Variants in FOXRED2 observed in about 807,000 individuals in gnomAD.
FOXRED2 encodes FAD dependent oxidoreductase domain containing 2, also known as FAD-dependent oxidoreductase domain-containing protein 2.
A neutral mutation model predicts 52.5 loss-of-function variants in FOXRED2; 32 were observed. The observed-to-expected ratio is 0.61, with a 90% CI of 0.46 to 0.82. The LOEUF (loss-of-function observed/expected upper bound fraction) is 0.82. Among genes scored for constraint, FOXRED2 ranks in the 40% least tolerant of loss-of-function variants. The pLI, the probability that FOXRED2 is intolerant of heterozygous loss-of-function variation, is 0.00. For synonymous variants in FOXRED2, 405 were observed against 398.1 expected (o/e 1.02, Z -0.21); for missense variants, 848 against 937.5 (o/e 0.90, Z 1.25).
chr22:36,489,917 G>T lies in FOXRED2; in HGVS notation c.*91C>A. ...AGTGGTCTTTGGCAATCACGCATTG[G>T]CGGGAGTGTGAGGTTGCGGGGAAAG... On this transcript the variant is annotated 3_prime_UTR_variant, in exon 9 of 9. Coordinates refer to ENST00000397224, the MANE Select transcript of FOXRED2 (RefSeq NM_001102371.2). 1 of 1,317,740 alleles carries T rather than the reference G, an allele frequency of 7.6e-7. No individual in the cohort carries two copies. The highest frequency in any genetic ancestry group is 1.0e-6 in the Non-Finnish European group (1 of 975,398). The allele number at this position is 1,317,740 out of a possible 1,614,324, so 81.6% of individuals were successfully genotyped here.
Position 36,504,726 on chromosome 22 carries a change from C to T in FOXRED2, c.568G>A (p.Val190Ile), listed in dbSNP as rs1934149650. 2 of 1,614,152 alleles carry T rather than the reference C, an allele frequency of 1.2e-6. No homozygotes were observed. Among genetic ancestry groups the T allele is most frequent in the African/African-American group, 1.3e-5 (1 of 75,030 alleles). ...GCATATTCGGAGCCAGGGAAGTCAA[C>T]CTGGTTGGGGACTGATAAACCAGTG... is the stretch of plus-strand genomic sequence containing the variant. ...VATGLSVPNQ[V>I]DFPGSEYAEG... The change falls in exon 3 of 9, where the codon GTT (valine) becomes ATT (isoleucine). Residue 190 changes from valine to isoleucine, a missense_variant. Transcript: ENST00000397224.
Position 36,489,797 on chromosome 22 carries a change from C to A in FOXRED2, c.*211G>T. The A allele has an allele frequency of 2.1e-6, 1 of 484,738 alleles. No individual in the cohort carries two copies. The highest frequency in any genetic ancestry group is 3.4e-5 in the East Asian group (1 of 29,404). The allele number at this position is 484,738 out of a possible 1,614,324, so 30.0% of individuals were successfully genotyped here. ...CTCCCACCTGGCAGAGGATGCCCTT[C>A]TGCCCCCTGACAGGAGGGAGGAGAC... On this transcript the variant is annotated 3_prime_UTR_variant, in exon 9 of 9. Transcript: ENST00000397224.
chr22:36,495,478 C>T (rs756734763), intron 7 of FOXRED2, among the ~76,000 whole-genome samples: 3 of 152,190 alleles, frequency 2.0e-5, no homozygotes, highest in South Asian at 2.1e-4. Context: ...TCAGGTTTAA[C>T]CTCATGGAAC....
chr22:36,500,059 C>T (rs796278689), intron 5 of FOXRED2, among the ~76,000 whole-genome samples: 30 of 152,278 alleles, frequency 2.0e-4, no homozygotes, highest in African/African-American at 6.5e-4. Flanking sequence ...CCTCAGTCTA[C>T]CAAAGTGCTG....
At chr22:36,496,479 T>G (rs899491107) in intron 6 of FOXRED2, among the ~76,000 whole-genome samples, 1 of 151,688 alleles carries the variant, frequency 6.6e-6, no homozygotes, top group Non-Finnish European at 1.5e-5. Flanking sequence ...CTGAGGAGTA[T>G]GTGAGCACTT....
At chr22:36,496,229 G>A in intron 6 of FOXRED2, 21 bp from the exon 7 acceptor site, 1 of 1,612,524 alleles carries the variant, frequency 6.2e-7, no homozygotes, top group Non-Finnish European at 8.5e-7. Context: ...AGCAACGCGG[G>A]GGAGGCCCTC....
chr22:36,501,405 G>C lies in FOXRED2; in HGVS notation c.1052C>G (p.Ser351Cys). ...TGCATTTCCCGAGTTAAGTCTGAGG[G>C]ACCTGTCAGTGGAAAGGGCTGTTCA... ...WNFDFSIFNK[S>C]LRLNSGNAFG... Residue 351 changes from serine (S) to cysteine (C), a missense_variant and splice_region_variant, in exon 5 of 9, where the codon TCC (serine) becomes TGC (cysteine). By Grantham distance (112) the Ser-to-Cys change is moderately radical. Coordinates refer to ENST00000397224, the MANE Select transcript of FOXRED2 (RefSeq NM_001102371.2). 6.2e-7 allele frequency: 1 copy of C among 1,614,000 alleles called. No homozygotes were observed. The highest frequency in any genetic ancestry group is 2.2e-5 in the East Asian group (1 of 44,880).
intron 4 of FOXRED2, among the ~76,000 whole-genome samples, 157 bp from the exon 5 acceptor site, chr22:36,501,564 T>G (rs1157303909): frequency 1.3e-5 from 2 of 152,080 alleles, no homozygotes; most frequent in African/African-American, 4.8e-5. Context: ...GGGTTCAAAC[T>G]ATTATCCTGC....
intron 6 of FOXRED2, among the ~76,000 whole-genome samples, chr22:36,497,643 C>A (rs1397648556): frequency 6.6e-6 from 1 of 152,196 alleles, no homozygotes; most frequent in Non-Finnish European, 1.5e-5. Flanking sequence ...TGAGGGAGCT[C>A]TGAGATCCAC....
chr22:36,500,019 T>C (rs553893365), intron 5 of FOXRED2, among the ~76,000 whole-genome samples: 1 of 152,264 alleles, frequency 6.6e-6, no homozygotes, highest in South Asian at 2.1e-4. Context: ...CAGGCTGGTC[T>C]CGAACTCCTG....
Position 36,497,607 on chromosome 22 carries a change from C to T in FOXRED2, c.1382+384G>A, listed in dbSNP as rs192342439. On this transcript the variant is annotated intron_variant, in intron 6 of 8. Transcript: ENST00000397224. Reference sequence around the variant, plus strand: ...CTGCTTATCACTAAATTGACTCTGACGATGGTGGCCGGCAAGGCCCTGGCC... The same window carrying T: ...CTGCTTATCACTAAATTGACTCTGATGATGGTGGCCGGCAAGGCCCTGGCC... Among the ~76,000 whole-genome samples, 759 of 152,300 alleles carry T rather than the reference C, an allele frequency of 5.0e-3. 11 individuals are homozygous for T. Among genetic ancestry groups the T allele is most frequent in the African/African-American group, 0.017 (716 of 41,572 alleles).
intron 5 of FOXRED2, among the ~76,000 whole-genome samples, chr22:36,500,583 A>ATTTTT (rs5845272): frequency 4.4e-5 from 6 of 136,754 alleles, no homozygotes; most frequent in African/African-American, 1.6e-4. Context: ...ATCCAATTAC[A>ATTTTT]TTTTTTTTTT....
In FOXRED2 at chr22:36,504,611, G is replaced by A; in HGVS notation, c.683C>T (p.Thr228Ile). The change falls in exon 3 of 9, where the codon ACA (threonine) becomes ATA (isoleucine). Residue 228 changes from threonine to isoleucine, a missense_variant. Thr to Ile is a moderately conservative substitution (Grantham distance 89). Transcript: ENST00000397224. ...ILGRGNSAFE[T>I]AENILGVTNF... ...TGTGACACCCAAGATGTTCTCTGCT[G>A]TCTCAAAGGCCGAGTTCCCACGACC... 6.2e-7 allele frequency: 1 copy of A among 1,614,150 alleles called. No homozygotes were observed. The highest frequency in any genetic ancestry group is 8.5e-7 in the Non-Finnish European group (1 of 1,180,030).
At chr22:36,506,803 A>C in intron 1 of FOXRED2, 1 of 183,408 alleles carries the variant, frequency 5.5e-6, no homozygotes, top group Non-Finnish European at 1.1e-5. Context: ...GCCCCTCTCC[A>C]GCGACCGGGT....
rs1384649355 is a variant in FOXRED2 at position 36,504,754 on chromosome 22, T to C, written c.540A>G (p.Val180=). The change falls in exon 3 of 9, where the codon GTA becomes GTG. Residue 180 remains valine, a synonymous_variant. Coordinates refer to ENST00000397224, the MANE Select transcript of FOXRED2 (RefSeq NM_001102371.2). ...GQVHQCSVLF[V]ATGLSVPNQV... ...GGTTGGGGACTGATAAACCAGTGGC[T>C]ACAAAGAGGACGCTGCAGGCGGGGA... is the stretch of plus-strand genomic sequence containing the variant. 6.2e-7 allele frequency: 1 copy of C among 1,614,072 alleles called. No homozygotes were observed. Among genetic ancestry groups the C allele is most frequent in the Non-Finnish European group, 8.5e-7 (1 of 1,179,994 alleles).
At chr22:36,506,462 C>T (rs575860019) in intron 1 of FOXRED2, 39 bp from the exon 2 acceptor site, 88 of 1,411,180 alleles carry the variant, frequency 6.2e-5, no homozygotes, top group Non-Finnish European at 7.7e-5. Flanking sequence ...GCACCCGGCC[C>T]GGCGGCTGGG....
chr22:36,489,910 C>A lies in FOXRED2; in HGVS notation c.*98G>T, dbSNP rs1279633622. 1 of 1,267,602 alleles carries A rather than the reference C, an allele frequency of 7.9e-7. No homozygotes were observed. The highest frequency in any genetic ancestry group is 2.5e-5 in the East Asian group (1 of 39,674). 78.5% of individuals were successfully genotyped at this position (1,267,602 alleles called of 1,614,324 possible). On this transcript the variant is annotated 3_prime_UTR_variant, in exon 9 of 9. Coordinates refer to ENST00000397224, the MANE Select transcript of FOXRED2 (RefSeq NM_001102371.2). Reference sequence around the variant, plus strand: ...TGATCTGAGTGGTCTTTGGCAATCACGCATTGGCGGGAGTGTGAGGTTGCG... The same window carrying A: ...TGATCTGAGTGGTCTTTGGCAATCAAGCATTGGCGGGAGTGTGAGGTTGCG...
At chr22:36,496,307 C>A (rs1161346302) in intron 6 of FOXRED2, 99 bp from the exon 7 acceptor site, 2 of 1,422,894 alleles carry the variant, frequency 1.4e-6, no homozygotes, top group Non-Finnish European at 9.6e-7. Context: ...GTATCTCCCC[C>A]TCTAAGGAGC....
chr22:36,506,536 A>T, intron 1 of FOXRED2, 113 bp from the exon 2 acceptor site: 1 of 1,069,218 alleles, frequency 9.4e-7, no homozygotes, highest in Non-Finnish European at 1.3e-6. Flanking sequence ...GGTCACGGCC[A>T]GGCCCAGAAG....
Sources: gnomAD v4.1 joint callset for allele counts (sites outside exome capture counted in the v4.1 genomes callset) on GRCh38, gnomAD v4.1.1 for gene constraint, MANE v1.5 for transcripts, NCBI Gene and HGNC (gene_info 2026-07-23, HGNC 2026-07-21) for gene names.